CNTN4: variants seen among roughly 807,000 people sequenced by gnomAD.
The protein encoded by CNTN4 is contactin-4.
Under a neutral mutation model 122.5 loss-of-function variants are expected in CNTN4, and 77 were observed. The observed-to-expected ratio is 0.63, with a 90% confidence interval of 0.52 to 0.76. The LOEUF is 0.76. CNTN4 is among the 30% of genes least tolerant of loss of function. The pLI is 0.00. For synonymous variants in CNTN4, 512 were observed against 447.0 expected, an observed-to-expected ratio of 1.15 and a Z score of -1.83; for missense variants, 1,256 against 1,259.1, an observed-to-expected ratio of 1.00 and a Z score of 0.04.
At chr3:2,756,003 A>G (rs1488577334) in intron 6 of CNTN4, among the ~76,000 whole-genome samples, 1 of 152,238 alleles carries the variant, frequency 6.6e-6, no homozygotes, top group African/African-American at 2.4e-5. Context: ...CTGAAGGTCA[A>G]CATTCATGTG....
chr3:2,437,770 G>T (rs773237688), intron 3 of CNTN4, among the ~76,000 whole-genome samples: 15 of 152,144 alleles, frequency 9.9e-5, no homozygotes, highest in Admixed American at 6.6e-4. Context: ...AAGCGTAATC[G>T]CCAATATCTT....
At chr3:2,500,106 A>G (rs1429325319) in intron 3 of CNTN4, among the ~76,000 whole-genome samples, 7 of 152,110 alleles carry the variant, frequency 4.6e-5, no homozygotes, top group African/African-American at 1.7e-4. Flanking sequence ...AGTATCTTGC[A>G]ATATTGCTGA....
chr3:2,985,864 A>T (rs1332887164), intron 13 of CNTN4, among the ~76,000 whole-genome samples: 2 of 151,520 alleles, frequency 1.3e-5, no homozygotes, highest in South Asian at 4.2e-4. Flanking sequence ...TATTAAAATG[A>T]TGTTGTCCAA....
intron 2 of CNTN4, among the ~76,000 whole-genome samples, chr3:2,217,674 G>A (rs537743377): frequency 2.9e-5 from 3 of 104,950 alleles, no homozygotes; most frequent in African/African-American, 1.1e-4. Flanking sequence ...CCTGAGAAAA[G>A]CATTATAAAG....
At chr3:2,187,312 G>A (rs1207094818) in intron 2 of CNTN4, among the ~76,000 whole-genome samples, 1 of 152,164 alleles carries the variant, frequency 6.6e-6, no homozygotes, top group African/African-American at 2.4e-5. Context: ...CCAGTACCAT[G>A]CTGTTTTGGT....
At chr3:2,844,781 T>C (rs2093426637) in intron 7 of CNTN4, among the ~76,000 whole-genome samples, 1 of 152,228 alleles carries the variant, frequency 6.6e-6, no homozygotes, top group Non-Finnish European at 1.5e-5. Context: ...AAGCAGAATA[T>C]GGCTTATTTT....
chr3:2,538,731 A>T (rs77170457), intron 3 of CNTN4, among the ~76,000 whole-genome samples: 90 of 152,114 alleles, frequency 5.9e-4, no homozygotes, highest in African/African-American at 2.0e-3. Context: ...ACAGGAATGA[A>T]TAACAAAGAA....
chr3:2,575,169 A>G (rs778795415), intron 4 of CNTN4, among the ~76,000 whole-genome samples: 5 of 152,122 alleles, frequency 3.3e-5, no homozygotes, highest in African/African-American at 2.4e-5. Flanking sequence ...TTAAATTATC[A>G]TATGTATCCC....
At chr3:2,989,977 G>C (rs1352375260) in intron 14 of CNTN4, among the ~76,000 whole-genome samples, 1 of 152,172 alleles carries the variant, frequency 6.6e-6, no homozygotes, top group African/African-American at 2.4e-5. Flanking sequence ...AAAAGACAGG[G>C]ATTCAAGTCA....
intron 3 of CNTN4, among the ~76,000 whole-genome samples, chr3:2,452,359 A>C (rs2048858747): frequency 6.6e-6 from 1 of 152,156 alleles, no homozygotes; most frequent in South Asian, 2.1e-4. Flanking sequence ...GCATCATGCG[A>C]ATTCACCGAG....
At position 2,329,984 on chromosome 3, in the gene CNTN4, C is replaced by T. The variant is rs991962084; in HGVS notation, c.-144-9194C>T. ...TTCCGATGCTGTCTACCTGGAGTTA[C>T]AGTCAGAACCCACATGTTAAGAGCT... is the stretch of plus-strand genomic sequence containing the variant. On this transcript the variant is annotated intron_variant, in intron 2 of 24. Transcript: ENST00000418658. Among the ~76,000 whole-genome samples the T allele has an allele frequency of 5.3e-5, 8 of 152,210 alleles. No individual in the cohort carries two copies. In the East Asian group the frequency reaches 1.5e-3, roughly 29 times the overall value.
chr3:3,053,719 C>T (rs532057472), intron 23 of CNTN4, 88 bp from the exon 24 acceptor site: 153 of 1,386,410 alleles, frequency 1.1e-4, no homozygotes, highest in East Asian at 5.3e-4. Flanking sequence ...GCATTTTGCT[C>T]GTGCCCAGAG....
At chr3:2,850,907 T>C (rs1158320439) in intron 7 of CNTN4, among the ~76,000 whole-genome samples, 1 of 152,200 alleles carries the variant, frequency 6.6e-6, no homozygotes, top group African/African-American at 2.4e-5. Context: ...GGAATAATCA[T>C]TAATGTTTAC....
intron 4 of CNTN4, among the ~76,000 whole-genome samples, chr3:2,721,234 A>T (rs1218602437): frequency 6.6e-6 from 1 of 152,116 alleles, no homozygotes; most frequent in African/African-American, 2.4e-5. Context: ...AGCCTCCCCA[A>T]ATGCTGGGAT....
intron 2 of CNTN4, among the ~76,000 whole-genome samples, chr3:2,172,603 C>T (rs1449878281): frequency 2.0e-5 from 3 of 152,114 alleles, no homozygotes; most frequent in Non-Finnish European, 4.4e-5. Flanking sequence ...CCATGAAAGC[C>T]GTTTAATACT....
chr3:2,805,125 C>T (rs1576859809), intron 6 of CNTN4, among the ~76,000 whole-genome samples: 1 of 151,922 alleles, frequency 6.6e-6, no homozygotes, highest in Non-Finnish European at 1.5e-5. Flanking sequence ...TGCAGTGAGC[C>T]GAGACCGCAC....
intron 2 of CNTN4, among the ~76,000 whole-genome samples, chr3:2,202,345 A>G (rs937532409): frequency 1.3e-5 from 2 of 152,074 alleles, no homozygotes; most frequent in South Asian, 2.1e-4. Flanking sequence ...TGGGAAAACC[A>G]TGGGGGTGGG....
rs561883556 is a variant in CNTN4 at position 3,039,886 on chromosome 3, C to T, written c.2164-151C>T. ...ATAACTGTTTAAGATAGACTGACTGCAAGCCCTAAATTTAAAAGACTGTTA... is the reference window on the plus strand; with the variant it reads ...ATAACTGTTTAAGATAGACTGACTGTAAGCCCTAAATTTAAAAGACTGTTA... On this transcript the variant is annotated intron_variant, in intron 19 of 24. Transcript: ENST00000418658. 164 of 693,684 alleles carry T rather than the reference C, an allele frequency of 2.4e-4. 3 individuals carry two copies. The highest frequency in any genetic ancestry group is 2.3e-3 in the South Asian group (145 of 64,194). The allele number at this position is 693,684 out of a possible 1,614,324, so 43.0% of individuals were successfully genotyped here.
chr3:2,780,047 T>A (rs1028431472), intron 6 of CNTN4, among the ~76,000 whole-genome samples: 1 of 152,182 alleles, frequency 6.6e-6, no homozygotes, highest in African/African-American at 2.4e-5. Context: ...GAGGTCTTAA[T>A]CCCACAGCTG....
Sources: allele counts gnomAD v4.1 joint callset (sites outside exome capture counted in the v4.1 genomes callset), GRCh38; gene constraint gnomAD v4.1.1; transcripts MANE v1.5; gene names NCBI Gene and HGNC (gene_info 2026-07-23, HGNC 2026-07-21).